PRKG1: variants seen among roughly 807,000 people sequenced by gnomAD.
PRKG1 encodes the protein protein kinase cGMP-dependent 1.
PRKG1 carries 35 observed loss-of-function variants against 88.1 expected under a neutral mutation model. That is an observed-to-expected ratio of 0.40 (90% CI 0.30 to 0.53). The LOEUF (loss-of-function observed/expected upper bound fraction) is 0.53, where lower values mean the gene tolerates loss of function less well. Ranked by LOEUF, PRKG1 falls within the 20% of genes least tolerant of loss-of-function variation. The probability of loss-of-function intolerance (pLI) is 0.59; values close to 1 mark genes in which losing one functional copy is unlikely to be tolerated. For missense variants in PRKG1, 540 were observed against 839.8 expected (o/e 0.64, Z 4.41); for synonymous variants, 303 against 292.5 (o/e 1.04, Z -0.37).
intron 12 of PRKG1, among the ~76,000 whole-genome samples, chr10:52,274,061 G>A (rs904136805): frequency 6.3e-4 from 96 of 151,880 alleles, no homozygotes; most frequent in African/African-American, 2.0e-3. Context: ...TTTACAGGTG[G>A]AATTAAACAT....
intron 5 of PRKG1, among the ~76,000 whole-genome samples, chr10:51,957,476 A>G (rs1442119957): frequency 1.3e-5 from 2 of 151,744 alleles, no homozygotes; most frequent in African/African-American, 4.8e-5. Context: ...AATTTTCTGT[A>G]GAGACAGGTT....
chr10:51,138,147 A>G (rs1452532125), intron 1 of PRKG1, among the ~76,000 whole-genome samples: 1 of 152,238 alleles, frequency 6.6e-6, no homozygotes, highest in Non-Finnish European at 1.5e-5. Context: ...ATTATCTATG[A>G]ACATAAGGAA....
Position 51,732,373 on chromosome 10 carries a change from A to T in PRKG1, c.593-72212A>T, listed in dbSNP as rs577098798. On this transcript the variant is annotated intron_variant, in intron 3 of 17. Transcript: ENST00000373980. ...GGGGGCGAACACAATTTAGGTCATA[A>T]CAGGTTCCATCAGAACATGAAAGGA... Among the ~76,000 whole-genome samples the T allele has an allele frequency of 2.0e-5, 3 of 152,352 alleles. No individual in the cohort carries two copies. In the South Asian group the frequency reaches 6.2e-4, roughly 32 times the overall value.
chr10:51,981,799 A>C (rs997138955), intron 5 of PRKG1, among the ~76,000 whole-genome samples: 1 of 151,968 alleles, frequency 6.6e-6, no homozygotes, highest in Non-Finnish European at 1.5e-5. Context: ...CTTGGGGATG[A>C]TCTTCTCGTG....
chr10:51,745,558 T>TA (rs1218968227), intron 3 of PRKG1, among the ~76,000 whole-genome samples: 2 of 152,212 alleles, frequency 1.3e-5, no homozygotes, highest in Non-Finnish European at 2.9e-5. Context: ...TATGTACATA[T>TA]ACATATATAT....
intron 5 of PRKG1, among the ~76,000 whole-genome samples, chr10:51,937,560 C>T (rs890763611): frequency 6.6e-6 from 1 of 152,044 alleles, no homozygotes; most frequent in Non-Finnish European, 1.5e-5. Flanking sequence ...GTTGTACATA[C>T]CATCTGTATT....
chr10:52,256,007 ATAATG>A (rs1339688239), intron 10 of PRKG1, among the ~76,000 whole-genome samples: 1 of 147,088 alleles, frequency 6.8e-6, no homozygotes, highest in Non-Finnish European at 1.5e-5. Flanking sequence ...GAAGACAAGA[ATAATG>A]TATTTATGTG....
At chr10:51,736,484 T>C (rs1384249464) in intron 3 of PRKG1, among the ~76,000 whole-genome samples, 1 of 152,166 alleles carries the variant, frequency 6.6e-6, no homozygotes, top group Non-Finnish European at 1.5e-5. Flanking sequence ...TATAGCAAAG[T>C]TGAGAGAAGT....
intron 5 of PRKG1, among the ~76,000 whole-genome samples, chr10:52,026,725 C>A (rs557671844): frequency 2.1e-4 from 32 of 152,226 alleles, no homozygotes; most frequent in Non-Finnish European, 4.0e-4. Context: ...GCCTGTAATC[C>A]CAACACTTTG....
chr10:51,212,335 A>G (rs1838245435), intron 2 of PRKG1, among the ~76,000 whole-genome samples: 1 of 152,236 alleles, frequency 6.6e-6, no homozygotes, highest in Non-Finnish European at 1.5e-5. Context: ...TTAAAGACTT[A>G]CATGTTAGAC....
chr10:51,153,142 A>G, intron 1 of PRKG1, 22 bp from the exon 2 acceptor site: 1 of 1,606,320 alleles, frequency 6.2e-7, no homozygotes, highest in Non-Finnish European at 8.5e-7. Flanking sequence ...TGTGCCAGTA[A>G]ATCTTCCCTC....
At chr10:51,985,620 A>G (rs139999580) in intron 5 of PRKG1, among the ~76,000 whole-genome samples, 36 of 152,338 alleles carry the variant, frequency 2.4e-4, no homozygotes, top group African/African-American at 6.3e-4. Context: ...GAAAAGTTAC[A>G]GAAGTTTGCA....
chr10:51,982,508 C>T (rs965341744), intron 5 of PRKG1, among the ~76,000 whole-genome samples: 7 of 152,220 alleles, frequency 4.6e-5, no homozygotes, highest in African/African-American at 1.7e-4. Context: ...TATTTGATGA[C>T]CTCGACTGTT....
At chr10:52,163,265 C>T (rs1376847409) in intron 9 of PRKG1, among the ~76,000 whole-genome samples, 1 of 148,178 alleles carries the variant, frequency 6.7e-6, no homozygotes, top group African/African-American at 2.5e-5. Context: ...TTAAGGGTCT[C>T]ATTGGTCATT....
At chr10:51,403,635 A>G (rs1837821141) in intron 2 of PRKG1, among the ~76,000 whole-genome samples, 1 of 152,186 alleles carries the variant, frequency 6.6e-6, no homozygotes, top group Non-Finnish European at 1.5e-5. Context: ...AACTGAACCC[A>G]GGTCTCCTTT....
intron 3 of PRKG1, among the ~76,000 whole-genome samples, chr10:51,621,034 A>G (rs1357322273): frequency 2.0e-5 from 1 of 49,954 alleles, no homozygotes; most frequent in Non-Finnish European, 5.3e-5. Context: ...TATATATATG[A>G]CTCCTATATA....
At chr10:52,062,759 A>G in intron 7 of PRKG1, 128 bp downstream of exon 7, 1 of 752,002 alleles carries the variant, frequency 1.3e-6, no homozygotes, top group South Asian at 1.5e-5. Context: ...TGGACCCTTG[A>G]TGATAAATAC....
chr10:51,601,279 G>A (rs1838592412), intron 3 of PRKG1, among the ~76,000 whole-genome samples: 1 of 152,012 alleles, frequency 6.6e-6, no homozygotes, highest in South Asian at 2.1e-4. Context: ...TTGTGATTGA[G>A]TCCAAGACTA....
chr10:51,193,370 A>G (rs1837679559), intron 2 of PRKG1, among the ~76,000 whole-genome samples: 1 of 151,916 alleles, frequency 6.6e-6, no homozygotes, highest in Non-Finnish European at 1.5e-5. Flanking sequence ...GGGTCAGGGG[A>G]TCTTGACCTT....
Sources: allele counts gnomAD v4.1 joint callset (sites outside exome capture counted in the v4.1 genomes callset), GRCh38; gene constraint gnomAD v4.1.1; transcripts MANE v1.5; gene names NCBI Gene and HGNC (gene_info 2026-07-23, HGNC 2026-07-21).